Variants in RBFOX1 observed in about 807,000 individuals in gnomAD.
The protein encoded by RBFOX1 is RNA binding fox-1 homolog 1, also known as RNA binding protein fox-1 homolog 1.
RBFOX1 carries 8 observed loss-of-function variants against 57.7 expected under a neutral mutation model. The observed-to-expected ratio is 0.14, with a 90% CI of 0.08 to 0.25. The LOEUF (loss-of-function observed/expected upper bound fraction) is 0.25, where lower values mean the gene tolerates loss of function less well. Ranked by LOEUF, RBFOX1 falls within the 10% of genes least tolerant of loss-of-function variation. RBFOX1 has a pLI of 1.00. For missense variants in RBFOX1, 611 were observed against 548.5 expected, an observed-to-expected ratio of 1.11 and a Z score of -1.14; for synonymous variants, 326 against 222.4, an observed-to-expected ratio of 1.47 and a Z score of -4.15.
chr16:5,706,216 G>C (rs192952124), intron 3 of RBFOX1, among the ~76,000 whole-genome samples: 1,738 of 152,244 alleles, frequency 0.011, 14 homozygotes, highest in Non-Finnish European at 0.018. Flanking sequence ...CGGCCATGTT[G>C]CTTTTTTTCC....
At chr16:7,313,687 T>C (rs1219022797) in intron 4 of RBFOX1, among the ~76,000 whole-genome samples, 1 of 133,576 alleles carries the variant, frequency 7.5e-6, no homozygotes, top group Non-Finnish European at 1.6e-5. Flanking sequence ...CACTTTTACA[T>C]GGATTATCAC....
chr16:6,948,324 G>T (rs891410923), intron 3 of RBFOX1, among the ~76,000 whole-genome samples: 3 of 147,194 alleles, frequency 2.0e-5, no homozygotes, highest in African/African-American at 7.5e-5. Flanking sequence ...GCCAGGTAAT[G>T]GAAACAAACT....
intron 3 of RBFOX1, among the ~76,000 whole-genome samples, chr16:5,718,801 C>G (rs539602856): frequency 6.6e-6 from 1 of 152,028 alleles, no homozygotes; most frequent in Non-Finnish European, 1.5e-5. Flanking sequence ...CCCAGCTACT[C>G]CAGAGGCTGA....
At chr16:6,858,234 G>C (rs138982734) in intron 3 of RBFOX1, among the ~76,000 whole-genome samples, 44 of 152,322 alleles carry the variant, frequency 2.9e-4, no homozygotes, top group African/African-American at 1.0e-3. Flanking sequence ...ATGGTTTTGA[G>C]ATTTATCTCA....
At chr16:7,497,278 C>T (rs2068988726) in intron 4 of RBFOX1, among the ~76,000 whole-genome samples, 1 of 152,166 alleles carries the variant, frequency 6.6e-6, no homozygotes, top group Non-Finnish European at 1.5e-5. Flanking sequence ...GCCATATTAT[C>T]CTGTTTTCTG....
chr16:6,970,574 G>A (rs540825663), intron 3 of RBFOX1, among the ~76,000 whole-genome samples: 32 of 152,240 alleles, frequency 2.1e-4, no homozygotes, highest in African/African-American at 7.0e-4. Flanking sequence ...GTGCCCTGGC[G>A]TTGTGTCTTC....
intron 1 of RBFOX1, among the ~76,000 whole-genome samples, chr16:5,460,913 C>T (rs955836411): frequency 2.6e-5 from 4 of 152,130 alleles, no homozygotes; most frequent in Non-Finnish European, 4.4e-5. Context: ...CACATATTGT[C>T]ACTTGTCATC....
At chr16:6,775,982 T>C (rs2079264123) in intron 3 of RBFOX1, 3 of 152,220 alleles carry the variant, frequency 2.0e-5, no homozygotes, top group Admixed American at 2.0e-4. Context: ...CGATTCCAAG[T>C]CTGATCACAG....
chr16:6,962,498 C>T (rs919383539), intron 3 of RBFOX1, among the ~76,000 whole-genome samples: 6 of 152,178 alleles, frequency 3.9e-5, no homozygotes, highest in African/African-American at 1.2e-4. Context: ...CAGTGTGTCC[C>T]TGGCATCCTT....
At chr16:5,819,422 T>C (rs1415253576) in intron 3 of RBFOX1, among the ~76,000 whole-genome samples, 1 of 152,220 alleles carries the variant, frequency 6.6e-6, no homozygotes, top group Admixed American at 6.5e-5. Context: ...ATGGTGCCTC[T>C]CTGCTTCCAT....
At chr16:6,092,129 A>T (rs79160595) in intron 1 of RBFOX1, among the ~76,000 whole-genome samples, 3,248 of 152,282 alleles carry the variant, frequency 0.021, 136 homozygotes, top group African/African-American at 0.075. Flanking sequence ...TGAAGTCCCA[A>T]CTGGTACATG....
intron 1 of RBFOX1, among the ~76,000 whole-genome samples, chr16:6,210,462 GCTCA>G (rs764299368): frequency 1.3e-5 from 2 of 151,716 alleles, no homozygotes; most frequent in Non-Finnish European, 2.9e-5. Flanking sequence ...AGACACAGTG[GCTCA>G]CTCCTATAAT....
chr16:6,393,319 C>T (rs919108546), intron 2 of RBFOX1, among the ~76,000 whole-genome samples: 7 of 152,152 alleles, frequency 4.6e-5, no homozygotes, highest in African/African-American at 1.7e-4. Context: ...AACAGTATCC[C>T]TTTCCCATAT....
At chr16:5,465,156 T>C (rs2068914240) in intron 1 of RBFOX1, among the ~76,000 whole-genome samples, 1 of 152,112 alleles carries the variant, frequency 6.6e-6, no homozygotes, top group African/African-American at 2.4e-5. Context: ...AGTTCTGGAG[T>C]CCAGAAGTCC....
chr16:6,429,866 T>C (rs1334397668), intron 2 of RBFOX1, among the ~76,000 whole-genome samples: 2 of 152,160 alleles, frequency 1.3e-5, no homozygotes, highest in African/African-American at 4.8e-5. Flanking sequence ...CCCAGCACTT[T>C]GGGAGGCCGA....
At chr16:5,521,398 C>G (rs1205841929) in intron 2 of RBFOX1, among the ~76,000 whole-genome samples, 1 of 152,154 alleles carries the variant, frequency 6.6e-6, no homozygotes, top group Non-Finnish European at 1.5e-5. Context: ...AAAGATCATT[C>G]CAGCCTTGTA....
chr16:7,539,866 A>C (rs192097387), intron 5 of RBFOX1, among the ~76,000 whole-genome samples: 1 of 152,122 alleles, frequency 6.6e-6, no homozygotes, highest in African/African-American at 2.4e-5. Flanking sequence ...CAAAAAGATA[A>C]CTCCGTCCCC....
At chr16:6,804,180 T>C (rs966664941) in intron 3 of RBFOX1, among the ~76,000 whole-genome samples, 10 of 151,960 alleles carry the variant, frequency 6.6e-5, no homozygotes, top group African/African-American at 2.4e-4. Flanking sequence ...GCTAACTTGT[T>C]TGTATTTTTA....
At chr16:7,570,999 G>C (rs1450247322) in intron 5 of RBFOX1, among the ~76,000 whole-genome samples, 4 of 152,154 alleles carry the variant, frequency 2.6e-5, no homozygotes, top group African/African-American at 9.7e-5. Context: ...ACCGAACACT[G>C]CATGTTCTCA....
Sources: allele counts gnomAD v4.1 joint callset (sites outside exome capture counted in the v4.1 genomes callset), GRCh38; gene constraint gnomAD v4.1.1; transcripts MANE v1.5; gene names NCBI Gene and HGNC (gene_info 2026-07-23, HGNC 2026-07-21).